Variants in GLS2 observed in about 807,000 individuals in gnomAD.
GLS2 encodes glutaminase 2.
Under a neutral mutation model 79.0 loss-of-function variants are expected in GLS2, and 52 were observed. The observed-to-expected ratio is 0.66, with a 90% CI of 0.53 to 0.83. The LOEUF is 0.83. Among genes scored for constraint, GLS2 ranks in the 40% least tolerant of loss-of-function variants. The pLI is 0.00. For missense variants in GLS2, 561 were observed against 764.8 expected (o/e 0.73, Z 3.14); for synonymous variants, 238 against 280.8 (o/e 0.85, Z 1.52).
At position 56,478,042 on chromosome 12, in the gene GLS2, G is replaced by A. The variant is rs776178666; in HGVS notation, c.669C>T (p.Pro223=). 8.1e-6 allele frequency: 13 copies of A among 1,614,098 alleles called. No homozygotes were observed. The Admixed American group carries it at 1.2e-4, about 14-fold the overall frequency. Residue 223 remains proline (P), a synonymous_variant, in exon 6 of 18, where the codon CCC becomes CCT. Transcript: ENST00000311966. ...TGCTTATGGAGATGGCATAGGTGAG[G>A]GGCTTCACACAGGACTGCAGGCAGA... ...IPFCLQSCVK[P]LTYAISISTL... is the part of the protein sequence containing the mutation.
chr12:56,481,170 CAATCCACCTTCTA>C (rs1458815499), intron 1 of GLS2, among the ~76,000 whole-genome samples: 2 of 145,590 alleles, frequency 1.4e-5, no homozygotes, highest in Non-Finnish European at 3.0e-5. Context: ...CTTGTTGCCT[CAATCCACCTTCTA>C]AAATGTGCCA....
chr12:56,474,617 TC>T lies in GLS2; in HGVS notation c.1150del (p.Glu384LysfsTer48). On this transcript the variant is annotated frameshift_variant, in exon 12 of 18. Transcript: ENST00000311966. LOFTEE classifies it high-confidence loss of function. ...PITGESVLSA[E>X]AVRNTLSLMH... The stretch of plus-strand genomic sequence containing the variant: ...GAGGCTGAGGGTGTTGCGCACTGCT[TC>T]AGCACTCAGCACACTCTCGCCTGTG... 6.2e-7 allele frequency: 1 copy of T among 1,614,182 alleles called. No individual in the cohort carries two copies. Among genetic ancestry groups the T allele is most frequent in the Non-Finnish European group, 8.5e-7 (1 of 1,180,040 alleles).
At position 56,477,548 on chromosome 12, in the gene GLS2, C is replaced by G. The variant is rs1031478292; in HGVS notation, c.837+112G>C. The G allele has an allele frequency of 6.8e-5, 76 of 1,122,768 alleles. No homozygotes were observed. In the Admixed American group the frequency reaches 1.6e-3, roughly 24 times the overall value. 69.6% of individuals were successfully genotyped at this position (1,122,768 alleles called of 1,614,324 possible). A position where few individuals can be genotyped will look rare whatever the true frequency, so the allele number is the denominator to read the frequency against. On this transcript the variant is annotated intron_variant, in intron 7 of 17. Coordinates refer to ENST00000311966, the MANE Select transcript of GLS2 (RefSeq NM_013267.4). ...GCCTCATGTGCCTTCTGGGGACCCT[C>G]AAAGGAATCAGAGCCCCACCAGTCT...
chr12:56,477,479 C>T, intron 7 of GLS2, 181 bp downstream of exon 7: 1 of 597,376 alleles, frequency 1.7e-6, no homozygotes, highest in Non-Finnish European at 3.0e-6. Context: ...GTGGTGCAGT[C>T]TCTTATACTG....
intron 1 of GLS2, among the ~76,000 whole-genome samples, chr12:56,481,080 C>T (rs1484009159): frequency 6.6e-6 from 1 of 151,220 alleles, no homozygotes; most frequent in Non-Finnish European, 1.5e-5. Flanking sequence ...TCATCAGCTC[C>T]TTATTCCCTA....
intron 4 of GLS2, chr12:56,478,790 C>T (rs190218818): frequency 2.8e-4 from 100 of 351,468 alleles, no homozygotes; most frequent in African/African-American, 1.9e-3. Context: ...ATCAGGAGTT[C>T]GAGACCAGCC....
chr12:56,472,846 A>G, intron 14 of GLS2, 95 bp from the exon 15 acceptor site: 1 of 793,874 alleles, frequency 1.3e-6, no homozygotes, highest in South Asian at 1.4e-5. Context: ...GTCCAAGGGT[A>G]TTGCTGAAGT....
At position 56,480,458 on chromosome 12, in the gene GLS2, TG is replaced by T. The variant is rs774722170; in HGVS notation, c.183-72del. On this transcript the variant is annotated intron_variant, in intron 1 of 17. Coordinates refer to ENST00000311966, the MANE Select transcript of GLS2 (RefSeq NM_013267.4). ...GCTACCTGCTCCTCCTTCTGCAACATGGGCTTATAAGTAGGTGAGTGTCCTC... is the reference window on the plus strand; with the variant it reads ...GCTACCTGCTCCTCCTTCTGCAACATGGCTTATAAGTAGGTGAGTGTCCTC... 6.0e-6 allele frequency: 7 copies of T among 1,167,552 alleles called. No individual in the cohort carries two copies. The East Asian group carries it at 1.4e-4, about 23-fold the overall frequency. 72.3% of individuals were successfully genotyped at this position (1,167,552 alleles called of 1,614,324 possible).
At chr12:56,486,126 A>T (rs1870667248) in intron 1 of GLS2, among the ~76,000 whole-genome samples, 1 of 152,018 alleles carries the variant, frequency 6.6e-6, no homozygotes, top group African/African-American at 2.4e-5. Flanking sequence ...CCTCCCCCAA[A>T]CACAGGAACC....
intron 1 of GLS2, among the ~76,000 whole-genome samples, chr12:56,486,229 AG>A (rs1870677252): frequency 1.3e-5 from 2 of 152,046 alleles, no homozygotes; most frequent in African/African-American, 4.8e-5. Context: ...AGGATATGAT[AG>A]GGGGTTCCCT....
intron 1 of GLS2, among the ~76,000 whole-genome samples, chr12:56,486,014 CAAA>C (rs11414489): frequency 1.1e-5 from 1 of 93,712 alleles, no homozygotes. Flanking sequence ...ACTCTGTCTC[CAAA>C]AAAAAAAAAA....
intron 9 of GLS2, 98 bp from the exon 10 acceptor site, chr12:56,475,208 C>T (rs1319983302): frequency 1.2e-6 from 2 of 1,603,332 alleles, no homozygotes; most frequent in African/African-American, 1.3e-5. Flanking sequence ...CTACATCACA[C>T]CACAAACTAA....
At chr12:56,475,427 A>G (rs1370651968) in intron 9 of GLS2, 197 bp downstream of exon 9, 3 of 706,616 alleles carry the variant, frequency 4.2e-6, no homozygotes, top group Admixed American at 5.9e-5. Context: ...CTCATTATGT[A>G]CTAATTAGAA....
At position 56,487,926 on chromosome 12, in the gene GLS2, A is replaced by C; in HGVS notation, c.182+11T>G. ...GCAAGCCCGTCCCCTGCCCTGTCCCAGGAGCCTTACTGATCCTGGTGCTGC... is the reference window on the plus strand; with the variant it reads ...GCAAGCCCGTCCCCTGCCCTGTCCCCGGAGCCTTACTGATCCTGGTGCTGC... On this transcript the variant is annotated intron_variant, in intron 1 of 17. Transcript: ENST00000311966. The C allele has an allele frequency of 6.2e-7, 1 of 1,601,166 alleles. No individual in the cohort carries two copies. Among genetic ancestry groups the C allele is most frequent in the Non-Finnish European group, 8.5e-7 (1 of 1,179,352 alleles).
At chr12:56,479,014 C>T (rs1450224556) in intron 4 of GLS2, 38 bp downstream of exon 4, 1 of 1,571,968 alleles carries the variant, frequency 6.4e-7, no homozygotes, top group Non-Finnish European at 8.6e-7. Context: ...AAATCTGGCC[C>T]AGGTCCCTGA....
At chr12:56,480,477 G>A (rs1393514495) in intron 1 of GLS2, 90 bp from the exon 2 acceptor site, 1 of 935,754 alleles carries the variant, frequency 1.1e-6, no homozygotes, top group East Asian at 2.4e-5. Flanking sequence ...AAGTAGGTGA[G>A]TGTCCTCATT....
At chr12:56,475,798 G>A in intron 8 of GLS2, 116 bp from the exon 9 acceptor site, 1 of 1,389,166 alleles carries the variant, frequency 7.2e-7, no homozygotes, top group South Asian at 1.2e-5. Context: ...CCTCTCTGAG[G>A]CCAGCAGATT....
At chr12:56,477,886 G>A in intron 6 of GLS2, 47 bp downstream of exon 6, 1 of 1,587,962 alleles carries the variant, frequency 6.3e-7, no homozygotes, top group Non-Finnish European at 8.6e-7. Context: ...TGGGGATAAG[G>A]AGAAGGGGAC....
At chr12:56,472,884 T>TA in intron 14 of GLS2, 133 bp from the exon 15 acceptor site, 16 of 642,178 alleles carry the variant, frequency 2.5e-5, no homozygotes, top group Non-Finnish European at 3.4e-5. Flanking sequence ...TCTGAAATAT[T>TA]CTTTTTTTTT....
Sources: allele counts gnomAD v4.1 joint callset (sites outside exome capture counted in the v4.1 genomes callset), GRCh38; gene constraint gnomAD v4.1.1; transcripts MANE v1.5; gene names NCBI Gene and HGNC (gene_info 2026-07-23, HGNC 2026-07-21).